PRPF39: variants seen among roughly 807,000 people sequenced by gnomAD.
The protein encoded by PRPF39 is pre-mRNA processing factor 39.
A neutral mutation model predicts 82.1 loss-of-function variants in PRPF39; 27 were observed. That is an observed-to-expected ratio of 0.33 (90% CI 0.24 to 0.45). The LOEUF is 0.45. PRPF39 is among the 20% of genes least tolerant of loss of function. The pLI is 1.00. For synonymous variants in PRPF39, 261 were observed against 256.4 expected (o/e 1.02, Z -0.17); for missense variants, 581 against 796.9 (o/e 0.73, Z 3.26).
At chr14:45,102,466 AAAT>A (rs1415262459) in intron 4 of PRPF39, 60 bp from the exon 5 acceptor site, 4 of 1,352,506 alleles carry the variant, frequency 3.0e-6, no homozygotes, top group Admixed American at 2.9e-5. Context: ...CTAAATTTAG[AAAT>A]AATATTTTAA....
intron 1 of PRPF39, among the ~76,000 whole-genome samples, chr14:45,087,130 C>T (rs1307123079): frequency 5.9e-5 from 9 of 152,150 alleles, no homozygotes; most frequent in Admixed American, 2.6e-4. Flanking sequence ...TGTATTATTT[C>T]GCTCTGTCGC....
intron 1 of PRPF39, among the ~76,000 whole-genome samples, chr14:45,090,611 C>T (rs1265979607): frequency 1.3e-5 from 2 of 152,004 alleles, no homozygotes; most frequent in Non-Finnish European, 2.9e-5. Flanking sequence ...CATAATTTTT[C>T]AAAGTTAATT....
At chr14:45,087,253 C>T (rs575995921) in intron 1 of PRPF39, among the ~76,000 whole-genome samples, 5 of 152,090 alleles carry the variant, frequency 3.3e-5, no homozygotes, top group Admixed American at 6.5e-5. Flanking sequence ...TGCGTGCCAC[C>T]ACACCCAGCT....
chr14:45,104,890 A>G (rs1884479736), intron 5 of PRPF39, among the ~76,000 whole-genome samples: 2 of 152,086 alleles, frequency 1.3e-5, no homozygotes, highest in African/African-American at 2.4e-5. Flanking sequence ...GTGGACTTAT[A>G]TTCCCTGAGA....
At chr14:45,106,251 A>G (rs1019410222) in intron 5 of PRPF39, among the ~76,000 whole-genome samples, 1 of 152,102 alleles carries the variant, frequency 6.6e-6, no homozygotes, top group Non-Finnish European at 1.5e-5. Flanking sequence ...TGGGAGGCTG[A>G]GGCAGGAGAA....
In PRPF39 at chr14:45,095,564, G is replaced by A; in HGVS notation, c.324+1G>A. On this transcript the variant is annotated splice_donor_variant, in intron 2 of 13. Coordinates refer to ENST00000355765, the MANE Select transcript of PRPF39 (RefSeq NM_017922.4). LOFTEE classifies it high-confidence loss of function. The stretch of plus-strand genomic sequence containing the variant: ...TTTGCTTCAATATGTAGAACAGGAG[G>A]TTAGTAACTATTAAAATGGTATCAG... 6.3e-7 allele frequency: 1 copy of A among 1,582,840 alleles called. No individual in the cohort carries two copies. The highest frequency in any genetic ancestry group is 8.6e-7 in the Non-Finnish European group (1 of 1,164,432).
chr14:45,109,213 A>G (rs1884629210), intron 7 of PRPF39, among the ~76,000 whole-genome samples: 1 of 152,224 alleles, frequency 6.6e-6, no homozygotes, highest in African/African-American at 2.4e-5. Flanking sequence ...CATTGTAGTC[A>G]TCACAGCAAT....
In PRPF39 at chr14:45,112,081, G is replaced by A. The variant is rs77975142; in HGVS notation, c.1573-237G>A. On this transcript the variant is annotated intron_variant, in intron 10 of 13. Transcript: ENST00000355765. ...TATAGAGTTTTAATTTACTGTCATTGAACAATTTGCATTGTTTAGGAGGTA... is the reference window on the plus strand; with the variant it reads ...TATAGAGTTTTAATTTACTGTCATTAAACAATTTGCATTGTTTAGGAGGTA... 1.0e-3 allele frequency among the ~76,000 whole-genome samples: 152 copies of A among 152,180 alleles called. 3 individuals carry two copies. The East Asian group carries it at 0.027, about 27-fold the overall frequency.
At chr14:45,086,212 A>G (rs1883824134) in intron 1 of PRPF39, among the ~76,000 whole-genome samples, 1 of 152,162 alleles carries the variant, frequency 6.6e-6, no homozygotes, top group South Asian at 2.1e-4. Context: ...AAGTGCTGAG[A>G]TGACAGGCAT....
intron 1 of PRPF39, among the ~76,000 whole-genome samples, chr14:45,087,740 A>ATTTTTTTTT (rs35926249): frequency 2.4e-5 from 3 of 123,422 alleles, no homozygotes; most frequent in Non-Finnish European, 5.0e-5. Flanking sequence ...TGCCCGGCTA[A>ATTTTTTTTT]TTTTTTTTTT....
intron 4 of PRPF39, among the ~76,000 whole-genome samples, chr14:45,097,275 G>C (rs1288703436): frequency 6.6e-6 from 1 of 151,682 alleles, no homozygotes; most frequent in Non-Finnish European, 1.5e-5. Context: ...ACATGTTTAT[G>C]CGTATGCTTT....
intron 12 of PRPF39, 52 bp from the exon 13 acceptor site, chr14:45,114,442 A>C (rs2139070509): frequency 1.3e-6 from 2 of 1,503,554 alleles, no homozygotes; most frequent in Non-Finnish European, 8.9e-7. Context: ...CTATTCGTTA[A>C]AGTTCTTACC....
intron 1 of PRPF39, among the ~76,000 whole-genome samples, chr14:45,094,680 A>G (rs1013772828): frequency 9.2e-5 from 14 of 152,234 alleles, no homozygotes; most frequent in African/African-American, 3.4e-4. Flanking sequence ...CAGGATTTAT[A>G]AATCGTAAGT....
rs746000149 is a variant in PRPF39 at position 45,112,359 on chromosome 14, T to C, written c.1614T>C (p.Tyr538=). The part of the protein sequence containing the change: ...KLYLNLLEME[Y]SGDLKQNEEN... ...ACCTCAATTTACTTGAAATGGAATA[T>C]AGTGGTGACCTCAAACAAAATGAAG... is the stretch of plus-strand genomic sequence containing the variant. The change falls in exon 11 of 14, where the codon TAT becomes TAC. Residue 538 remains tyrosine, a synonymous_variant. Transcript: ENST00000355765. 6.3e-6 allele frequency: 10 copies of C among 1,578,572 alleles called. No individual in the cohort carries two copies. The highest frequency in any genetic ancestry group is 1.2e-5 in the South Asian group (1 of 83,836).
intron 1 of PRPF39, among the ~76,000 whole-genome samples, chr14:45,090,946 C>T (rs528611658): frequency 1.3e-5 from 2 of 152,234 alleles, no homozygotes; most frequent in African/African-American, 4.8e-5. Flanking sequence ...CTAGATTTAC[C>T]TGGTTATAGC....
At chr14:45,089,610 G>A (rs146335954) in intron 1 of PRPF39, among the ~76,000 whole-genome samples, 2 of 152,194 alleles carry the variant, frequency 1.3e-5, no homozygotes, top group African/African-American at 4.8e-5. Flanking sequence ...AATGGTTTTT[G>A]CTATGTTGCC....
In PRPF39 at chr14:45,110,900, G is replaced by A. The variant is rs922050691; in HGVS notation, c.1572+83G>A. 13 of 1,289,842 alleles carry A rather than the reference G, an allele frequency of 1.0e-5. No individual in the cohort carries two copies. Among genetic ancestry groups the A allele is most frequent in the Non-Finnish European group, 1.3e-5 (12 of 945,280 alleles). The allele number at this position is 1,289,842 out of a possible 1,614,324, so 79.9% of individuals were successfully genotyped here. ...TTTCACTGTGGCAACTGTGATGAAAGATTTGGTCTGTATGTAATAGATTTT... is the reference window on the plus strand; with the variant it reads ...TTTCACTGTGGCAACTGTGATGAAAAATTTGGTCTGTATGTAATAGATTTT... On this transcript the variant is annotated intron_variant, in intron 10 of 13. Coordinates refer to ENST00000355765, the MANE Select transcript of PRPF39 (RefSeq NM_017922.4). This position sits in a 1 kb window ranked among gnomAD's most constrained non-coding sequence, Gnocchi z 4.0.
intron 5 of PRPF39, among the ~76,000 whole-genome samples, chr14:45,104,070 CAG>C (rs1209746380): frequency 6.6e-6 from 1 of 152,134 alleles, no homozygotes; most frequent in East Asian, 1.9e-4. Context: ...TCTAAGGCCA[CAG>C]AGTTTGTAAG....
intron 13 of PRPF39, 47 bp downstream of exon 13, chr14:45,114,661 T>A: frequency 1.9e-6 from 3 of 1,562,110 alleles, no homozygotes; most frequent in Non-Finnish European, 2.6e-6. Context: ...GTTATTAGCA[T>A]AAATTAGGAT....
Sources: allele counts gnomAD v4.1 joint callset (sites outside exome capture counted in the v4.1 genomes callset), GRCh38; gene constraint gnomAD v4.1.1; non-coding constraint Gnocchi (gnomAD v3.1); transcripts MANE v1.5; gene names NCBI Gene and HGNC (gene_info 2026-07-23, HGNC 2026-07-21).